The following GABRR3 variants were observed in gnomAD, a reference collection of about 807,000 sequenced individuals.
The protein encoded by GABRR3 is gamma-aminobutyric acid type A receptor subunit rho3.
GABRR3 carries 29 observed loss-of-function variants against 43.2 expected under a neutral mutation model. The observed-to-expected ratio is 0.67, with a 90% CI of 0.50 to 0.92. The LOEUF is 0.92. Ranked by LOEUF, GABRR3 falls within the 40% of genes least tolerant of loss-of-function variation. The pLI is 0.00. For synonymous variants in GABRR3, 206 were observed against 195.9 expected, an observed-to-expected ratio of 1.05 and a Z score of -0.43; for missense variants, 576 against 572.3, an observed-to-expected ratio of 1.01 and a Z score of -0.07.
chr3:97,991,289 C>G (rs1034708856), intron 9 of GABRR3, among the ~76,000 whole-genome samples: 1 of 152,208 alleles, frequency 6.6e-6, no homozygotes, highest in African/African-American at 2.4e-5. Context: ...CATTGCTATT[C>G]AGTATGGGTA....
At chr3:98,000,004 A>G (rs1440442572) in intron 8 of GABRR3, 1 of 152,142 alleles carries the variant, frequency 6.6e-6, no homozygotes, top group Non-Finnish European at 1.5e-5. Flanking sequence ...GAGCTAGGGA[A>G]GAAGAGGGCA....
chr3:97,990,288 G>T (rs1706446552), intron 9 of GABRR3, among the ~76,000 whole-genome samples: 1 of 151,994 alleles, frequency 6.6e-6, no homozygotes, highest in South Asian at 2.1e-4. Flanking sequence ...GGGTTTAGGA[G>T]ACTTAACCTG....
At chr3:98,029,492 C>G (rs1231026654) in intron 2 of GABRR3, among the ~76,000 whole-genome samples, 1 of 152,100 alleles carries the variant, frequency 6.6e-6, no homozygotes, top group Non-Finnish European at 1.5e-5. Context: ...ATGCACCTAA[C>G]TCATTCTGCG....
chr3:98,027,711 G>T (rs1707041039), intron 2 of GABRR3, among the ~76,000 whole-genome samples: 1 of 152,116 alleles, frequency 6.6e-6, no homozygotes, highest in African/African-American at 2.4e-5. Flanking sequence ...AAAAGGATCT[G>T]TTGCTTAAAT....
intron 4 of GABRR3, among the ~76,000 whole-genome samples, chr3:98,014,057 C>G (rs1279365514): frequency 1.3e-5 from 2 of 151,988 alleles, no homozygotes; most frequent in Non-Finnish European, 2.9e-5. Flanking sequence ...AAATGAGAAG[C>G]AAAAACAAAT....
chr3:98,005,747 T>C (rs1706716396), intron 7 of GABRR3, among the ~76,000 whole-genome samples: 4 of 152,166 alleles, frequency 2.6e-5, no homozygotes, highest in Admixed American at 2.6e-4. Flanking sequence ...AGGAGGACGG[T>C]TGGATATATG....
At chr3:98,026,477 A>G (rs772372478) in intron 2 of GABRR3, among the ~76,000 whole-genome samples, 24 of 152,094 alleles carry the variant, frequency 1.6e-4, no homozygotes, top group Non-Finnish European at 2.5e-4. Flanking sequence ...TGTGACACCT[A>G]CTTCTCAGTG....
At chr3:98,028,678 G>C (rs1034160519) in intron 2 of GABRR3, among the ~76,000 whole-genome samples, 1 of 152,138 alleles carries the variant, frequency 6.6e-6, no homozygotes, top group Non-Finnish European at 1.5e-5. Flanking sequence ...GACACTGCAG[G>C]TGGTGAGTAG....
At chr3:98,009,147 A>G (rs1706758378) in intron 5 of GABRR3, 109 bp from the exon 6 acceptor site, 3 of 680,506 alleles carry the variant, frequency 4.4e-6, no homozygotes, top group Admixed American at 2.5e-5. Context: ...GTGTCTTTCA[A>G]GAATAATGCA....
chr3:98,012,055 C>T (rs1015105109), intron 5 of GABRR3, among the ~76,000 whole-genome samples: 2 of 152,108 alleles, frequency 1.3e-5, no homozygotes, highest in Non-Finnish European at 1.5e-5. Context: ...GGAAAACAGG[C>T]TTGTTTACTT....
chr3:98,031,944 T>C (rs1237378544), intron 2 of GABRR3, among the ~76,000 whole-genome samples: 3 of 152,002 alleles, frequency 2.0e-5, no homozygotes, highest in African/African-American at 7.2e-5. Flanking sequence ...GTTTAACAAG[T>C]GACTCTTTAG....
intron 3 of GABRR3, among the ~76,000 whole-genome samples, chr3:98,021,960 G>C (rs987280852): frequency 2.0e-5 from 3 of 152,164 alleles, no homozygotes; most frequent in African/African-American, 7.2e-5. Context: ...TGACACGAGG[G>C]AGTGCATACT....
At position 98,003,693 on chromosome 3, in the gene GABRR3, A is replaced by AT. The variant is rs1465248111; in HGVS notation, c.755-1927dup. Reference sequence around the variant, plus strand: ...TTCTGCCCTACATCTGAGCAAGTTAATAAAAAGCCTAGGTCTCTTTTTGGC... The same window carrying AT: ...TTCTGCCCTACATCTGAGCAAGTTAATTAAAAAGCCTAGGTCTCTTTTTGGC... On this transcript the variant is annotated intron_variant, in intron 7 of 9. Coordinates refer to ENST00000621172, the Ensembl canonical transcript of GABRR3. Among the ~76,000 whole-genome samples, 3 of 152,268 alleles carry AT rather than the reference A, an allele frequency of 2.0e-5. No homozygotes were observed. In the East Asian group the frequency reaches 5.8e-4, roughly 29 times the overall value.
At chr3:98,012,108 C>T (rs534326669) in intron 5 of GABRR3, among the ~76,000 whole-genome samples, 34 of 152,290 alleles carry the variant, frequency 2.2e-4, no homozygotes, top group Middle Eastern at 3.4e-3. Context: ...TAATTCAGCT[C>T]ATTCTATTTG....
intron 3 of GABRR3, among the ~76,000 whole-genome samples, chr3:98,023,563 C>T (rs1706977819): frequency 6.6e-6 from 1 of 151,890 alleles, no homozygotes; most frequent in Non-Finnish European, 1.5e-5. Flanking sequence ...AGTTGTAGAA[C>T]CTATTATATA....
intron 9 of GABRR3, among the ~76,000 whole-genome samples, chr3:97,990,998 C>T (rs1306030026): frequency 1.3e-5 from 2 of 152,078 alleles, no homozygotes; most frequent in African/African-American, 2.4e-5. Context: ...TGCTTATTAC[C>T]TGAAAAGAAG....
Position 98,001,773 on chromosome 3 carries a change from G to GA in GABRR3, c.755-7dup. On this transcript the variant is annotated splice_polypyrimidine_tract_variant and splice_region_variant and intron_variant, in intron 7 of 9. Coordinates refer to ENST00000621172, the Ensembl canonical transcript of GABRR3. ...GAAAAGCCTATTGTACCAACCTGTG[G>GA]AAAAAAGCCAAAGTTTTCATTAGAG... 1 of 1,612,270 alleles carries GA rather than the reference G, an allele frequency of 6.2e-7. No homozygotes were observed. Among genetic ancestry groups the GA allele is most frequent in the Non-Finnish European group, 8.5e-7 (1 of 1,179,068 alleles).
At chr3:98,001,570 A>T in intron 8 of GABRR3, 45 bp downstream of exon 8, 1 of 1,605,326 alleles carries the variant, frequency 6.2e-7, no homozygotes, top group South Asian at 1.1e-5. Context: ...CCTCCCTTGA[A>T]CTTTCTCCCA....
chr3:97,989,384 A>G (rs957693865), intron 9 of GABRR3, among the ~76,000 whole-genome samples: 23 of 130,870 alleles, frequency 1.8e-4, no homozygotes, highest in African/African-American at 6.4e-4. Context: ...GATGGTGGTT[A>G]GGGGTAGATA....
Sources: allele counts gnomAD v4.1 joint callset (sites outside exome capture counted in the v4.1 genomes callset), GRCh38; gene constraint gnomAD v4.1.1; transcripts MANE v1.5; gene names NCBI Gene and HGNC (gene_info 2026-07-23, HGNC 2026-07-21).